USE1: variants seen among roughly 807,000 people sequenced by gnomAD.
The protein encoded by USE1 is unconventional SNARE in the ER 1, also known as vesicle transport protein USE1.
In USE1, 32 loss-of-function variants were observed where a neutral mutation model predicts 37.6. The ratio of observed to expected loss-of-function variants is 0.85; its 90% CI spans 0.64 to 1.14. The LOEUF is 1.14. Ranked by LOEUF, USE1 falls within the 50% of genes most tolerant of loss-of-function variation. The pLI is 0.00. For missense variants in USE1, 310 were observed against 332.2 expected (o/e 0.93, Z 0.52); for synonymous variants, 149 against 137.6 (o/e 1.08, Z -0.58).
At chr19:17,218,652 C>T (rs2073305034) in intron 6 of USE1, 1 of 361,490 alleles carries the variant, frequency 2.8e-6, no homozygotes, top group Non-Finnish European at 5.0e-6. Flanking sequence ...ATGGCAAAAC[C>T]CTGTCTCTAC....
chr19:17,219,501 G>A, intron 7 of USE1, 114 bp downstream of exon 7: 2 of 1,431,704 alleles, frequency 1.4e-6, no homozygotes, highest in Non-Finnish European at 1.9e-6. Flanking sequence ...TTCGTAGAAG[G>A]CAAAAATGGC....
intron 1 of USE1, 146 bp downstream of exon 1, chr19:17,215,653 T>C: frequency 7.7e-7 from 1 of 1,295,722 alleles, no homozygotes; most frequent in Non-Finnish European, 1.1e-6. Flanking sequence ...ACCTGTAGCT[T>C]CCGCCCCCGT....
Position 17,219,304 on chromosome 19 carries a change from C to G in USE1, c.514C>G (p.Leu172Val), listed in dbSNP as rs372800273. The part of the protein sequence containing the change: ...LQRHQNLQEK[L>V]AEEMLGLARS... ...GCGACATCAGAACCTCCAGGAAAAG[C>G]TGGCGGAAGAGATGCTAGGACTGGC... is the stretch of plus-strand genomic sequence containing the variant. The change falls in exon 7 of 8, where the codon CTG becomes GTG. Residue 172 changes from leucine (L) to valine (V), a missense_variant. Leu to Val is a conservative substitution (Grantham distance 32, BLOSUM62 1). Coordinates refer to ENST00000263897, the MANE Select transcript of USE1 (RefSeq NM_018467.4). The G allele has an allele frequency of 3.1e-6, 5 of 1,612,532 alleles. No homozygotes were observed. The African/African-American group carries it at 4.0e-5, about 13-fold the overall frequency.
At chr19:17,218,526 C>A in intron 6 of USE1, 135 bp downstream of exon 6, 1 of 1,174,038 alleles carries the variant, frequency 8.5e-7, no homozygotes, top group Non-Finnish European at 1.2e-6. Context: ...TCTGTGGATG[C>A]TCTTCCCAGA....
chr19:17,219,022 G>A (rs945436104), intron 6 of USE1, among the ~76,000 whole-genome samples, 191 bp from the exon 7 acceptor site: 23 of 150,904 alleles, frequency 1.5e-4, no homozygotes, highest in African/African-American at 5.4e-4. Context: ...AGCTACTCAG[G>A]AGACTGAGGC....
chr19:17,217,543 A>AT lies in USE1; in HGVS notation c.394+82dup, dbSNP rs142501074. On this transcript the variant is annotated intron_variant, in intron 5 of 7. Transcript: ENST00000263897. ...GTATCCTTGCTGCCCCGGGGCCTCC[A>AT]TGCCGAGACTCCATGCCCTGACTCC... 3,997 of 1,557,736 alleles carry AT rather than the reference A, an allele frequency of 2.6e-3. 83 individuals carry two copies. In the African/African-American group the frequency reaches 0.049, roughly 19 times the overall value.
At position 17,219,819 on chromosome 19, in the gene USE1, C is replaced by G. The variant is rs1474397911; in HGVS notation, c.*6C>G. 3.2e-6 allele frequency: 5 copies of G among 1,577,130 alleles called. No homozygotes were observed. The Middle Eastern group carries it at 5.0e-4, about 158-fold the overall frequency. On this transcript the variant is annotated 3_prime_UTR_variant, in exon 8 of 8. Transcript: ENST00000263897. ...TCATGCCTAAACTCAAATAAAGACC[C>G]CCGCCCACCTTGTCTGTCTTCCGTC...
At chr19:17,215,885 G>C in intron 2 of USE1, 34 bp downstream of exon 2, 4 of 1,596,740 alleles carry the variant, frequency 2.5e-6, no homozygotes, top group Non-Finnish European at 3.4e-6. Flanking sequence ...TTTCACATCA[G>C]CACGTGGCTG....
chr19:17,218,402 G>C lies in USE1; in HGVS notation c.422+11G>C. 1 of 1,613,622 alleles carries C rather than the reference G, an allele frequency of 6.2e-7. No homozygotes were observed. The highest frequency in any genetic ancestry group is 8.5e-7 in the Non-Finnish European group (1 of 1,179,728). ...CGTAAGGAAGAGAACGTGAGTGTCT[G>C]CGGCCCTGGGGCAGTAGTGGCAATT... is the stretch of plus-strand genomic sequence containing the variant. On this transcript the variant is annotated intron_variant, in intron 6 of 7. Transcript: ENST00000263897.
At position 17,215,984 on chromosome 19, in the gene USE1, C is replaced by T. The variant is rs1405308357; in HGVS notation, c.153-8C>T. 1.3e-6 allele frequency: 2 copies of T among 1,599,322 alleles called. No homozygotes were observed. The highest frequency in any genetic ancestry group is 2.3e-5 in the East Asian group (1 of 44,426). The stretch of plus-strand genomic sequence containing the variant: ...ACAGGTTTTGTTTTTCTTCTTCCTG[C>T]CTTCCAGCAAACCGGCCTCTGAGGT... On this transcript the variant is annotated splice_polypyrimidine_tract_variant and splice_region_variant and intron_variant, in intron 2 of 7. Coordinates refer to ENST00000263897, the MANE Select transcript of USE1 (RefSeq NM_018467.4).
At chr19:17,218,595 G>A in intron 6 of USE1, 2 of 556,310 alleles carry the variant, frequency 3.6e-6, no homozygotes, top group East Asian at 3.5e-5. Context: ...GGAGGCTGAG[G>A]CAGGCAGATC....
intron 5 of USE1, chr19:17,217,911 C>CAAAA: frequency 3.9e-6 from 1 of 254,628 alleles, no homozygotes; most frequent in Non-Finnish European, 7.5e-6. Context: ...GACTCCGTCT[C>CAAAA]AAAAAAAAAA....
Position 17,219,330 on chromosome 19 carries a change from C to T in USE1, c.540C>T (p.Ala180=). ...EKLAEEMLGL[A]RSLKTNTLAA... is the part of the protein sequence containing the mutation. The stretch of plus-strand genomic sequence containing the variant: ...TGGCGGAAGAGATGCTAGGACTGGC[C>T]CGGAGCCTCAAGACCAATACCCTGG... The change falls in exon 7 of 8, where the codon GCC becomes GCT. Residue 180 remains alanine (A), a synonymous_variant. Transcript: ENST00000263897. 1.9e-6 allele frequency: 3 copies of T among 1,599,694 alleles called. No homozygotes were observed. Among genetic ancestry groups the T allele is most frequent in the Non-Finnish European group, 2.6e-6 (3 of 1,173,484 alleles).
At chr19:17,216,450 G>C in intron 4 of USE1, 129 bp downstream of exon 4, 2 of 1,326,676 alleles carry the variant, frequency 1.5e-6, no homozygotes, top group Non-Finnish European at 2.0e-6. Flanking sequence ...TCTTCCCTGG[G>C]TCATCACACA....
At chr19:17,217,755 T>C in intron 5 of USE1, 2 of 463,564 alleles carry the variant, frequency 4.3e-6, no homozygotes, top group Non-Finnish European at 8.5e-6. Flanking sequence ...CTACTAAAAA[T>C]ACAAAACTTA....
rs929036690 is a variant in USE1 at position 17,217,222 on chromosome 19, G to A, written c.385-231G>A. 6.0e-5 allele frequency among the ~76,000 whole-genome samples: 9 copies of A among 148,858 alleles called. No homozygotes were observed. In the East Asian group the frequency reaches 1.8e-3, roughly 30 times the overall value. On this transcript the variant is annotated intron_variant, in intron 4 of 7. Transcript: ENST00000263897. ...GCGATCTCGGCTCACTGCAACCTCC[G>A]CCTCCCAGGTTCAAGCAATACTCCT...
At chr19:17,219,483 A>G (rs2073312160) in intron 7 of USE1, 96 bp downstream of exon 7, 1 of 1,445,782 alleles carries the variant, frequency 6.9e-7, no homozygotes, top group African/African-American at 1.4e-5. Flanking sequence ...TGCGGGATGA[A>G]TAGGAGTTTC....
In USE1 at chr19:17,215,859, C is replaced by A. The variant is rs1310303618; in HGVS notation, c.152+8C>A. ...CCTGAAGGTCCACGCGAGGTGAGTGCAGGCAGCCTCAGGGCTTTCACATCA... is the reference window on the plus strand; with the variant it reads ...CCTGAAGGTCCACGCGAGGTGAGTGAAGGCAGCCTCAGGGCTTTCACATCA... On this transcript the variant is annotated splice_region_variant and intron_variant, in intron 2 of 7. Coordinates refer to ENST00000263897, the MANE Select transcript of USE1 (RefSeq NM_018467.4). The A allele has an allele frequency of 6.2e-7, 1 of 1,605,214 alleles. No homozygotes were observed. Among genetic ancestry groups the A allele is most frequent in the Non-Finnish European group, 8.5e-7 (1 of 1,176,172 alleles).
intron 4 of USE1, among the ~76,000 whole-genome samples, chr19:17,216,619 A>G (rs889985660): frequency 6.6e-6 from 1 of 152,224 alleles, no homozygotes; most frequent in Non-Finnish European, 1.5e-5. Context: ...AAGTTTCTTC[A>G]GCCGTAAAAG....
Sources: allele counts gnomAD v4.1 joint callset (sites outside exome capture counted in the v4.1 genomes callset), GRCh38; gene constraint gnomAD v4.1.1; transcripts MANE v1.5; gene names NCBI Gene and HGNC (gene_info 2026-07-23, HGNC 2026-07-21).